Variants in SLIT3 observed in about 807,000 individuals in gnomAD.
SLIT3 encodes slit guidance ligand 3, also known as slit homolog 3 protein.
SLIT3 carries 68 observed loss-of-function variants against 184.0 expected under a neutral mutation model. That is an observed-to-expected ratio of 0.37 (90% CI 0.30 to 0.45). SLIT3 has a LOEUF of 0.45. SLIT3 is among the 20% of genes least tolerant of loss of function. The pLI is 1.00. For missense variants in SLIT3, 1,707 were observed against 2,026.0 expected, an observed-to-expected ratio of 0.84 and a Z score of 3.02; for synonymous variants, 831 against 828.6, an observed-to-expected ratio of 1.00 and a Z score of -0.05.
At chr5:168,728,277 C>CATATACATATATATAT (rs1327015739) in intron 20 of SLIT3, among the ~76,000 whole-genome samples, 4 of 140,964 alleles carry the variant, frequency 2.8e-5, no homozygotes, top group Non-Finnish European at 4.6e-5. Flanking sequence ...TAATCAACAA[C>CATATACATATATATAT]ATATATATAT....
chr5:168,988,253 G>A (rs549881427), intron 4 of SLIT3, among the ~76,000 whole-genome samples: 1 of 152,310 alleles, frequency 6.6e-6, no homozygotes. Flanking sequence ...TCGCTCTAGG[G>A]CATCTCTGCT....
intron 6 of SLIT3, among the ~76,000 whole-genome samples, chr5:168,842,467 TC>T (rs912125513): frequency 3.3e-5 from 4 of 123,066 alleles, no homozygotes; most frequent in African/African-American, 1.0e-4. Flanking sequence ...TACCGTTTTT[TC>T]GTTTTTTTTT....
chr5:169,276,170 G>A (rs1037137944), intron 1 of SLIT3, among the ~76,000 whole-genome samples: 1 of 152,118 alleles, frequency 6.6e-6, no homozygotes, highest in Admixed American at 6.6e-5. Context: ...AGGGTTTCTG[G>A]CCCATCAGAC....
intron 4 of SLIT3, chr5:169,023,836 G>A (rs781756001): frequency 2.0e-5 from 3 of 152,140 alleles, no homozygotes; most frequent in African/African-American, 4.8e-5. Context: ...TAAAGACAGA[G>A]GTGAGCTGGT....
At chr5:168,960,266 T>A (rs962499389) in intron 4 of SLIT3, among the ~76,000 whole-genome samples, 1 of 152,166 alleles carries the variant, frequency 6.6e-6, no homozygotes, top group Non-Finnish European at 1.5e-5. Context: ...TATGCACACA[T>A]AGATGAGTGC....
At chr5:168,964,036 A>C (rs1763103081) in intron 4 of SLIT3, among the ~76,000 whole-genome samples, 1 of 152,228 alleles carries the variant, frequency 6.6e-6, no homozygotes, top group African/African-American at 2.4e-5. Context: ...AGCTCAAAGA[A>C]GGCAGCCCAA....
chr5:169,215,184 C>T (rs907394533), intron 3 of SLIT3, among the ~76,000 whole-genome samples: 1 of 152,124 alleles, frequency 6.6e-6, no homozygotes, highest in African/African-American at 2.4e-5. Context: ...CTGTCCTCTG[C>T]CCCCCAGCCA....
chr5:168,776,688 G>A (rs1043391978), intron 12 of SLIT3, among the ~76,000 whole-genome samples: 1 of 152,182 alleles, frequency 6.6e-6, no homozygotes, highest in Non-Finnish European at 1.5e-5. Context: ...GATGCTTTGT[G>A]TATTAAATTT....
chr5:168,875,418 G>A (rs1759696109), intron 5 of SLIT3, among the ~76,000 whole-genome samples: 1 of 152,100 alleles, frequency 6.6e-6, no homozygotes, highest in Non-Finnish European at 1.5e-5. Context: ...GATCACCTGA[G>A]GTCAGGAGTC....
chr5:169,003,438 C>T (rs1054884757), intron 4 of SLIT3, among the ~76,000 whole-genome samples: 5 of 152,314 alleles, frequency 3.3e-5, no homozygotes, highest in East Asian at 1.9e-4. Context: ...CCATTGCTAA[C>T]GTCTCCTCCG....
intron 3 of SLIT3, among the ~76,000 whole-genome samples, chr5:169,220,224 C>T (rs771304050): frequency 2.6e-5 from 4 of 151,492 alleles, no homozygotes; most frequent in Non-Finnish European, 5.9e-5. Flanking sequence ...GGTCCCATGG[C>T]GGGGATCCTC....
At chr5:168,819,470 AC>A (rs1200037272) in intron 7 of SLIT3, among the ~76,000 whole-genome samples, 1 of 152,066 alleles carries the variant, frequency 6.6e-6, no homozygotes, top group African/African-American at 2.4e-5. Flanking sequence ...GAGAAGCAGA[AC>A]CTTTTAATGA....
rs1760997607 is a variant in SLIT3 at position 168,665,250 on chromosome 5, A to AGTTTG, written c.*1199_*1203dup. ...GGGTTGCATAGATAAAATAAGGTAA[A>AGTTTG]GTTTGGATATGCATTGGAAAGTGTC... On this transcript the variant is annotated 3_prime_UTR_variant, in exon 36 of 36. Coordinates refer to ENST00000519560, the MANE Select transcript of SLIT3 (RefSeq NM_003062.4). The AGTTTG allele has an allele frequency of 6.6e-6, 1 of 152,138 alleles. No individual in the cohort carries two copies. The highest frequency in any genetic ancestry group is 1.9e-4 in the East Asian group (1 of 5,186). 9.4% of individuals were successfully genotyped at this position (152,138 alleles called of 1,614,324 possible). A position where few individuals can be genotyped will look rare whatever the true frequency, so the allele number is the denominator to read the frequency against.
intron 23 of SLIT3, among the ~76,000 whole-genome samples, chr5:168,714,133 G>A (rs749383657): frequency 9.9e-5 from 15 of 152,158 alleles, no homozygotes; most frequent in Non-Finnish European, 1.9e-4. Context: ...GAGTGTTCAC[G>A]ATAGCTTCTC....
intron 3 of SLIT3, among the ~76,000 whole-genome samples, chr5:169,212,726 T>G (rs1764307547): frequency 6.6e-6 from 1 of 152,216 alleles, no homozygotes; most frequent in Admixed American, 6.5e-5. Context: ...TTGCCTAAGT[T>G]TTCTTGCAGG....
chr5:169,147,431 G>T (rs1761962227), intron 4 of SLIT3, among the ~76,000 whole-genome samples: 1 of 152,042 alleles, frequency 6.6e-6, no homozygotes, highest in South Asian at 2.1e-4. Context: ...ACCATGCTTG[G>T]CTAATTTTTA....
At chr5:168,838,008 G>A (rs2113701126) in intron 6 of SLIT3, among the ~76,000 whole-genome samples, 1 of 152,292 alleles carries the variant, frequency 6.6e-6, no homozygotes, top group East Asian at 1.9e-4. Context: ...TGCTGATTAA[G>A]CTGAGGTCAT....
intron 9 of SLIT3, among the ~76,000 whole-genome samples, chr5:168,801,105 G>A (rs922584030): frequency 6.6e-6 from 1 of 152,166 alleles, no homozygotes; most frequent in African/African-American, 2.4e-5. Flanking sequence ...ACCCCCAAGT[G>A]TGGATCCCAA....
intron 4 of SLIT3, among the ~76,000 whole-genome samples, chr5:169,015,671 T>C (rs981642414): frequency 6.6e-6 from 1 of 152,076 alleles, no homozygotes; most frequent in Non-Finnish European, 1.5e-5. Flanking sequence ...TGATTCATGC[T>C]TATAATCTCA....
Sources: allele counts gnomAD v4.1 joint callset (sites outside exome capture counted in the v4.1 genomes callset), GRCh38; gene constraint gnomAD v4.1.1; transcripts MANE v1.5; gene names NCBI Gene and HGNC (gene_info 2026-07-23, HGNC 2026-07-21).